Variants in ADAMTS20 observed in about 807,000 individuals in gnomAD.
The protein encoded by ADAMTS20 is A disintegrin and metalloproteinase with thrombospondin motifs 20.
Under a neutral mutation model 260.1 loss-of-function variants are expected in ADAMTS20, and 225 were observed. That is an observed-to-expected ratio of 0.87 (90% CI 0.78 to 0.97). The LOEUF (loss-of-function observed/expected upper bound fraction) is 0.97, where lower values mean the gene tolerates loss of function less well. ADAMTS20 is among the 50% of genes least tolerant of loss of function. The probability of loss-of-function intolerance (pLI) is 0.00; values close to 1 mark genes in which losing one functional copy is unlikely to be tolerated. For missense variants in ADAMTS20, 2,400 were observed against 2,337.7 expected, an observed-to-expected ratio of 1.03 and a Z score of -0.55; for synonymous variants, 802 against 769.5, an observed-to-expected ratio of 1.04 and a Z score of -0.70.
chr12:43,497,970 A>G (rs1425297596), intron 4 of ADAMTS20, among the ~76,000 whole-genome samples: 5 of 152,130 alleles, frequency 3.3e-5, no homozygotes, highest in African/African-American at 1.2e-4. Flanking sequence ...AAATAAATAT[A>G]CTGAAGAAAA....
rs1592039226 is a variant in ADAMTS20, at chr12:43,383,562, G to A, written c.4793C>T (p.Ser1598Leu). Residue 1598 changes from serine to leucine, a missense_variant, in exon 31 of 39, where the codon TCA becomes TTA. Coordinates refer to ENST00000389420, the MANE Select transcript of ADAMTS20 (RefSeq NM_025003.5). ...AACTTCCTTTCTTTACCTTACCTGTGATGAGTCTGCTGTTACCACAATGTA... is the reference window on the plus strand; with the variant it reads ...AACTTCCTTTCTTTACCTTACCTGTAATGAGTCTGCTGTTACCACAATGTA... Reference protein sequence around the residue: ...CNYIVVTADSSQCANNCGFSY... With the variant: ...CNYIVVTADSLQCANNCGFSY... The A allele has an allele frequency of 1.2e-6, 2 of 1,607,654 alleles. No homozygotes were observed. The highest frequency in any genetic ancestry group is 1.7e-6 in the Non-Finnish European group (2 of 1,177,100).
At chr12:43,547,639 A>G (rs1046787060) in intron 2 of ADAMTS20, among the ~76,000 whole-genome samples, 1 of 152,176 alleles carries the variant, frequency 6.6e-6, no homozygotes, top group African/African-American at 2.4e-5. Context: ...AGGCCTTTAG[A>G]GGGGTCTGCA....
At chr12:43,395,465 T>C (rs191571756) in intron 29 of ADAMTS20, among the ~76,000 whole-genome samples, 11 of 152,246 alleles carry the variant, frequency 7.2e-5, no homozygotes, top group Admixed American at 1.3e-4. Context: ...GCATTTAGCA[T>C]ACAGTTTCTT....
At chr12:43,548,440 C>T (rs867794665) in intron 2 of ADAMTS20, among the ~76,000 whole-genome samples, 1 of 152,096 alleles carries the variant, frequency 6.6e-6, no homozygotes, top group South Asian at 2.1e-4. Flanking sequence ...TCGGATACTA[C>T]AGTTTACCTA....
intron 28 of ADAMTS20, among the ~76,000 whole-genome samples, chr12:43,402,779 C>T (rs528767996): frequency 2.0e-5 from 3 of 152,078 alleles, no homozygotes; most frequent in Admixed American, 6.5e-5. Flanking sequence ...TTATTTAGTG[C>T]TGTATAATTC....
rs762547366 is a variant in ADAMTS20 at position 43,440,009 on chromosome 12, T to C, written c.2351A>G (p.Lys784Arg). 6.3e-7 allele frequency: 1 copy of C among 1,576,602 alleles called. No individual in the cohort carries two copies. Among genetic ancestry groups the C allele is most frequent in the East Asian group, 2.3e-5 (1 of 43,854 alleles). The change falls in exon 17 of 39, where the codon AAA (lysine) becomes AGA (arginine). Residue 784 changes from lysine (K) to arginine (R), a missense_variant. Transcript: ENST00000389420. The stretch of plus-strand genomic sequence containing the variant: ...TGTTCCTTGCACATTGATTTCTTTT[T>C]TTGACGTACTTAGAAGAAAATTTCC... ...FNGNFLLSTS[K>R]KEINVQGTRT...
intron 12 of ADAMTS20, 87 bp from the exon 13 acceptor site, chr12:43,452,782 CT>C: frequency 7.9e-7 from 1 of 1,272,360 alleles, no homozygotes; most frequent in South Asian, 1.7e-5. Context: ...TTTCCAGGAT[CT>C]AGAAAACCAG....
chr12:43,376,460 AT>A (rs1940231142), intron 33 of ADAMTS20, 63 bp downstream of exon 33: 4 of 1,532,432 alleles, frequency 2.6e-6, no homozygotes, highest in Non-Finnish European at 3.5e-6. Context: ...TACTACAGAT[AT>A]TTATTTTAAC....
At chr12:43,528,338 C>T (rs1343216161) in intron 3 of ADAMTS20, among the ~76,000 whole-genome samples, 16 of 43,894 alleles carry the variant, frequency 3.6e-4, no homozygotes, top group Non-Finnish European at 7.7e-5. Context: ...ACAGCCAAGG[C>T]AATCCTAAGC....
At chr12:43,419,330 G>C (rs1422185575) in intron 28 of ADAMTS20, among the ~76,000 whole-genome samples, 5 of 151,700 alleles carry the variant, frequency 3.3e-5, no homozygotes, top group Admixed American at 2.6e-4. Flanking sequence ...TTCCTAACAA[G>C]GAATAAACAT....
Position 43,454,065 on chromosome 12 carries a change from T to A in ADAMTS20, c.1615-13A>T. 1 of 1,606,726 alleles carries A rather than the reference T, an allele frequency of 6.2e-7. No individual in the cohort carries two copies. The highest frequency in any genetic ancestry group is 1.1e-5 in the South Asian group (1 of 89,650). On this transcript the variant is annotated splice_polypyrimidine_tract_variant and intron_variant, in intron 11 of 38. Transcript: ENST00000389420. The stretch of plus-strand genomic sequence containing the variant: ...CATGACGGCAATGCTATAAAAATAA[T>A]AAGCACAAAAAGAAATGATGTGTGT...
chr12:43,466,108 G>A (rs1376664460), intron 9 of ADAMTS20, among the ~76,000 whole-genome samples: 3 of 151,958 alleles, frequency 2.0e-5, no homozygotes, highest in Non-Finnish European at 4.4e-5. Context: ...GAGAAATGAG[G>A]CAAGAAAAAC....
intron 28 of ADAMTS20, among the ~76,000 whole-genome samples, chr12:43,422,653 T>A (rs996120201): frequency 1.3e-5 from 2 of 152,058 alleles, no homozygotes; most frequent in African/African-American, 4.8e-5. Flanking sequence ...CTTCAATACA[T>A]TCAACTTATC....
chr12:43,514,283 G>A (rs917746286), intron 3 of ADAMTS20, among the ~76,000 whole-genome samples: 4 of 151,394 alleles, frequency 2.6e-5, no homozygotes, highest in South Asian at 2.1e-4. Flanking sequence ...ATGCTTTTCC[G>A]GCCAGGCAGG....
At chr12:43,501,481 G>GCGCACACA (rs373746834) in intron 4 of ADAMTS20, among the ~76,000 whole-genome samples, 1 of 117,810 alleles carries the variant, frequency 8.5e-6, no homozygotes, top group East Asian at 2.7e-4. Flanking sequence ...GCGCGCGCGC[G>GCGCACACA]CACACACACA....
At chr12:43,355,494 A>G (rs938867132) in intron 38 of ADAMTS20, among the ~76,000 whole-genome samples, 2 of 152,200 alleles carry the variant, frequency 1.3e-5, no homozygotes, top group South Asian at 2.1e-4. Flanking sequence ...GCACAATTTT[A>G]TCATCTTCAG....
chr12:43,431,252 G>T, intron 22 of ADAMTS20, 80 bp downstream of exon 22: 1 of 1,434,364 alleles, frequency 7.0e-7, no homozygotes, highest in Non-Finnish European at 9.5e-7. Flanking sequence ...CATCCACTAA[G>T]GGAGGAGTAA....
At chr12:43,455,235 A>G (rs1941942988) in intron 11 of ADAMTS20, among the ~76,000 whole-genome samples, 1 of 152,198 alleles carries the variant, frequency 6.6e-6, no homozygotes, top group Admixed American at 6.5e-5. Context: ...TTAAAAATGA[A>G]TAATATTCCA....
intron 37 of ADAMTS20, among the ~76,000 whole-genome samples, chr12:43,359,482 T>C (rs1188208002): frequency 2.6e-5 from 4 of 152,222 alleles, no homozygotes; most frequent in Admixed American, 6.5e-5. Flanking sequence ...ACCCAGAATC[T>C]TTGTACATAC....
Sources: gnomAD v4.1 joint callset for allele counts (sites outside exome capture counted in the v4.1 genomes callset) on GRCh38, gnomAD v4.1.1 for gene constraint, MANE v1.5 for transcripts, NCBI Gene and HGNC (gene_info 2026-07-23, HGNC 2026-07-21) for gene names.